The following PRKG1 variants were observed in gnomAD, a reference collection of about 807,000 sequenced individuals.
The protein encoded by PRKG1 is cGMP-dependent protein kinase 1.
Under a neutral mutation model 88.1 loss-of-function variants are expected in PRKG1, and 35 were observed. The observed-to-expected ratio is 0.40, with a 90% CI of 0.30 to 0.53. The LOEUF (loss-of-function observed/expected upper bound fraction) is 0.53. Ranked by LOEUF, PRKG1 falls within the 20% of genes least tolerant of loss-of-function variation. The pLI, the probability that PRKG1 is intolerant of heterozygous loss-of-function variation, is 0.59. For synonymous variants in PRKG1, 303 were observed against 292.5 expected, an observed-to-expected ratio of 1.04 and a Z score of -0.37; for missense variants, 540 against 839.8, an observed-to-expected ratio of 0.64 and a Z score of 4.41.
intron 3 of PRKG1, among the ~76,000 whole-genome samples, chr10:51,553,666 C>A (rs10998075): frequency 0.14 from 20,544 of 149,868 alleles, 1,505 homozygotes; most frequent in South Asian, 0.19. Flanking sequence ...GGTTTTCAAG[C>A]AAAATTACAA....
intron 2 of PRKG1, among the ~76,000 whole-genome samples, chr10:51,201,140 A>G (rs1467198350): frequency 6.6e-6 from 1 of 152,198 alleles, no homozygotes; most frequent in African/African-American, 2.4e-5. Flanking sequence ...AACTAAGTGT[A>G]TTGGCTCAGA....
chr10:51,348,649 A>G (rs1842168689), intron 2 of PRKG1, among the ~76,000 whole-genome samples: 1 of 152,216 alleles, frequency 6.6e-6, no homozygotes, highest in African/African-American at 2.4e-5. Flanking sequence ...GAGCTCAGGT[A>G]TCAACCTGTA....
intron 2 of PRKG1, among the ~76,000 whole-genome samples, chr10:51,419,531 G>C (rs539088691): frequency 6.6e-6 from 1 of 152,126 alleles, no homozygotes; most frequent in African/African-American, 2.4e-5. Context: ...TGGAGATGAG[G>C]TTTCCCTAAA....
chr10:51,416,189 G>GA (rs373012906), intron 2 of PRKG1, among the ~76,000 whole-genome samples: 4 of 152,084 alleles, frequency 2.6e-5, no homozygotes, highest in Non-Finnish European at 4.4e-5. Context: ...AATGATTCCA[G>GA]AAAAAAATTG....
At chr10:51,337,834 G>C (rs537495634) in intron 2 of PRKG1, among the ~76,000 whole-genome samples, 1 of 152,082 alleles carries the variant, frequency 6.6e-6, no homozygotes, top group Non-Finnish European at 1.5e-5. Flanking sequence ...TTTGGAGGAG[G>C]GTGTGGGGAT....
chr10:52,134,641 G>A (rs529118622), intron 8 of PRKG1, among the ~76,000 whole-genome samples: 12 of 152,274 alleles, frequency 7.9e-5, no homozygotes, highest in Non-Finnish European at 1.5e-4. Context: ...GAATAGCCAA[G>A]TACATGACCC....
intron 10 of PRKG1, among the ~76,000 whole-genome samples, chr10:52,260,332 C>G (rs963605979): frequency 2.6e-5 from 4 of 151,988 alleles, no homozygotes; most frequent in Non-Finnish European, 4.4e-5. Flanking sequence ...CAGTATGTAA[C>G]AGTTTAAAAA....
chr10:51,135,723 T>C (rs1845669959), intron 1 of PRKG1, among the ~76,000 whole-genome samples: 1 of 152,078 alleles, frequency 6.6e-6, no homozygotes, highest in African/African-American at 2.4e-5. Context: ...TTATTTGAAT[T>C]TTTCAGTTTT....
intron 2 of PRKG1, among the ~76,000 whole-genome samples, chr10:51,369,228 A>T (rs1842651544): frequency 6.6e-6 from 1 of 152,026 alleles, no homozygotes; most frequent in South Asian, 2.1e-4. Flanking sequence ...AATACCATAG[A>T]CTAGGTGGCT....
chr10:51,778,143 C>G (rs1452420852), intron 3 of PRKG1, among the ~76,000 whole-genome samples: 1 of 152,074 alleles, frequency 6.6e-6, no homozygotes, highest in Non-Finnish European at 1.5e-5. Flanking sequence ...CAGTTCCTGT[C>G]GTGGTAGCCT....
chr10:51,461,485 G>A (rs1056840539), intron 2 of PRKG1, among the ~76,000 whole-genome samples: 5 of 152,040 alleles, frequency 3.3e-5, no homozygotes, highest in Non-Finnish European at 5.9e-5. Flanking sequence ...AGCCAACTAG[G>A]AGTAAAACAA....
At chr10:52,082,283 A>T (rs190569201) in intron 7 of PRKG1, among the ~76,000 whole-genome samples, 44 of 152,116 alleles carry the variant, frequency 2.9e-4, no homozygotes, top group African/African-American at 9.4e-4. Flanking sequence ...TCAGGATGAG[A>T]TTTGGGTGGG....
At chr10:51,321,631 G>T (rs113851034) in intron 2 of PRKG1, among the ~76,000 whole-genome samples, 1 of 152,036 alleles carries the variant, frequency 6.6e-6, no homozygotes, top group Non-Finnish European at 1.5e-5. Flanking sequence ...GGGTAGTAGC[G>T]GGGGGATGGT....
At chr10:51,590,152 G>A (rs569847892) in intron 3 of PRKG1, among the ~76,000 whole-genome samples, 2 of 152,250 alleles carry the variant, frequency 1.3e-5, no homozygotes, top group East Asian at 3.9e-4. Flanking sequence ...CTGATTTTGA[G>A]AAATTATTTC....
chr10:52,070,661 T>A (rs1003383597), intron 7 of PRKG1, among the ~76,000 whole-genome samples: 1 of 152,194 alleles, frequency 6.6e-6, no homozygotes, highest in Admixed American at 6.5e-5. Flanking sequence ...TATTCACATT[T>A]GAATCTTCTT....
chr10:52,104,445 C>T (rs910772281), intron 7 of PRKG1, among the ~76,000 whole-genome samples: 2 of 151,896 alleles, frequency 1.3e-5, no homozygotes, highest in Non-Finnish European at 2.9e-5. Flanking sequence ...GTTACTTAAT[C>T]CTTTATCTGG....
At chr10:52,166,839 G>GTATATATATATGTATATATATATATA (rs375678645) in intron 9 of PRKG1, among the ~76,000 whole-genome samples, 2 of 90,484 alleles carry the variant, frequency 2.2e-5, no homozygotes, top group Admixed American at 1.2e-4. Flanking sequence ...GTATATATAT[G>GTATATATATATGTATATATATATATA]TATATATATG....
chr10:51,757,652 A>T (rs1837905224), intron 3 of PRKG1, among the ~76,000 whole-genome samples: 1 of 152,192 alleles, frequency 6.6e-6, no homozygotes, highest in Non-Finnish European at 1.5e-5. Context: ...GTCTGAATTG[A>T]GATGTGTTAT....
At chr10:52,239,521 T>TA in intron 9 of PRKG1, among the ~76,000 whole-genome samples, 42,919 of 56,570 alleles carry the variant, frequency 0.76, 17,669 homozygotes, top group Non-Finnish European at 0.87. Flanking sequence ...TTCTACAGTG[T>TA]AAAAAAAAAA....
Sources: gnomAD v4.1 joint callset for allele counts (sites outside exome capture counted in the v4.1 genomes callset) on GRCh38, gnomAD v4.1.1 for gene constraint, MANE v1.5 for transcripts, NCBI Gene and HGNC (gene_info 2026-07-23, HGNC 2026-07-21) for gene names.